Variants in SNF8 observed in about 807,000 individuals in gnomAD.
The protein encoded by SNF8 is SNF8 subunit of ESCRT-II.
Under a neutral mutation model 36.8 loss-of-function variants are expected in SNF8, and 19 were observed. The ratio of observed to expected loss-of-function variants is 0.52; its 90% CI spans 0.36 to 0.76. The LOEUF is 0.76. Among genes scored for constraint, SNF8 ranks in the 30% least tolerant of loss-of-function variants. SNF8 has a pLI of 0.00. For missense variants in SNF8, 268 were observed against 322.9 expected (o/e 0.83, Z 1.30); for synonymous variants, 127 against 127.4 (o/e 1.00, Z 0.02).
rs532405702 is a variant in SNF8 at position 48,930,807 on chromosome 17, C to T, written c.640-195G>A. The stretch of plus-strand genomic sequence containing the variant: ...CTTTGCCTGAATTTGAAAAATGCTA[C>T]GAAGTCATTTAACTTGTGCTGCTGG... On this transcript the variant is annotated intron_variant, in intron 7 of 7. Coordinates refer to ENST00000502492, the MANE Select transcript of SNF8 (RefSeq NM_007241.4). Among the ~76,000 whole-genome samples, 9 of 152,330 alleles carry T rather than the reference C, an allele frequency of 5.9e-5. No individual in the cohort carries two copies. The South Asian group carries it at 1.0e-3, about 18-fold the overall frequency.
intron 3 of SNF8, among the ~76,000 whole-genome samples, chr17:48,937,846 A>T (rs1011135319): frequency 8.5e-5 from 13 of 152,148 alleles, no homozygotes; most frequent in African/African-American, 2.9e-4. Flanking sequence ...GAATCGCTTG[A>T]ACCCGGGAGG....
intron 5 of SNF8, chr17:48,934,340 G>A (rs1254881186): frequency 6.6e-6 from 1 of 151,002 alleles, no homozygotes; most frequent in Non-Finnish European, 1.5e-5. Context: ...AGGAGATGAG[G>A]TCTTGGCTGG....
rs771940446 is a variant in SNF8, at chr17:48,944,673, C to G, written c.54+8G>C. The G allele has an allele frequency of 2.5e-6, 4 of 1,612,728 alleles. No homozygotes were observed. In the South Asian group the frequency reaches 4.4e-5, roughly 18 times the overall value. On this transcript the variant is annotated splice_region_variant and intron_variant, in intron 1 of 7. Coordinates refer to ENST00000502492, the MANE Select transcript of SNF8 (RefSeq NM_007241.4). Reference sequence around the variant, plus strand: ...GGCAGGTTGTGGGTCGGCCTTCTTCCTGCTCACCTCTGCAAGTTTCTTCTT... The same window carrying G: ...GGCAGGTTGTGGGTCGGCCTTCTTCGTGCTCACCTCTGCAAGTTTCTTCTT...
At position 48,944,768 on chromosome 17, in the gene SNF8, G is replaced by A. The variant is rs746804198; in HGVS notation, c.-34C>T. ...TGGGCCCGCGGGCCGCCCGGCTGCC[G>A]GGACCCCGGGTCTCCACGTCCCGGA... On this transcript the variant is annotated 5_prime_UTR_variant, in exon 1 of 8. Transcript: ENST00000502492. 14 of 1,582,584 alleles carry A rather than the reference G, an allele frequency of 8.8e-6. No individual in the cohort carries two copies. The highest frequency in any genetic ancestry group is 1.7e-4 in the Middle Eastern group (1 of 5,762).
chr17:48,943,562 C>G (rs2041061541), intron 2 of SNF8, among the ~76,000 whole-genome samples: 1 of 151,978 alleles, frequency 6.6e-6, no homozygotes, highest in Non-Finnish European at 1.5e-5. Flanking sequence ...GAGCCGAGAT[C>G]GTGCCACTGT....
intron 3 of SNF8, among the ~76,000 whole-genome samples, chr17:48,937,999 T>C (rs1314744860): frequency 6.6e-6 from 1 of 151,982 alleles, no homozygotes; most frequent in African/African-American, 2.4e-5. Context: ...ATTTGGCTAA[T>C]TCTGGCTCAG....
chr17:48,931,192 C>T (rs2040852565), intron 7 of SNF8, among the ~76,000 whole-genome samples: 1 of 152,124 alleles, frequency 6.6e-6, no homozygotes, highest in Non-Finnish European at 1.5e-5. Flanking sequence ...TACATTGCTC[C>T]CTCTTCACAT....
In SNF8 at chr17:48,933,241, G is replaced by T. The variant is rs776364984; in HGVS notation, c.528C>A (p.Leu176=). ...GCAGCACCACGGTGTGATCCATATT[G>T]AGCTCAGCTGGAACAGACTGAATGA... ...TYLIQSVPAE[L]NMDHTVVLQL... is the part of the protein sequence containing the mutation. Residue 176 remains leucine (L), a synonymous_variant, in exon 6 of 8, where the codon CTC becomes CTA. Coordinates refer to ENST00000502492, the MANE Select transcript of SNF8 (RefSeq NM_007241.4). 67 of 1,613,916 alleles carry T rather than the reference G, an allele frequency of 4.2e-5. No individual in the cohort carries two copies. Among genetic ancestry groups the T allele is most frequent in the Non-Finnish European group, 5.6e-5 (66 of 1,180,040 alleles).
At chr17:48,943,290 C>T (rs932002503) in intron 2 of SNF8, among the ~76,000 whole-genome samples, 6 of 151,628 alleles carry the variant, frequency 4.0e-5, no homozygotes, top group Admixed American at 2.6e-4. Context: ...GTCAATATGG[C>T]GAAACCCTGC....
intron 5 of SNF8, among the ~76,000 whole-genome samples, chr17:48,935,086 C>G (rs998412414): frequency 2.6e-5 from 4 of 152,158 alleles, no homozygotes; most frequent in South Asian, 4.1e-4. Flanking sequence ...TATATACAGC[C>G]CTGGCCAGCC....
intron 3 of SNF8, among the ~76,000 whole-genome samples, chr17:48,938,588 C>T (rs1311930835): frequency 2.7e-5 from 4 of 147,912 alleles, no homozygotes; most frequent in Non-Finnish European, 6.0e-5. Context: ...GTTGGGGCCA[C>T]GCCAGGAGCA....
chr17:48,939,627 TTTTTTGTA>T (rs1239336362), intron 3 of SNF8, among the ~76,000 whole-genome samples: 1 of 151,144 alleles, frequency 6.6e-6, no homozygotes, highest in Non-Finnish European at 1.5e-5. Context: ...ACCTGGCTAA[TTTTTTGTA>T]TTTTTAGTAG....
intron 6 of SNF8, 74 bp downstream of exon 6, chr17:48,933,131 G>T: frequency 6.5e-7 from 1 of 1,540,578 alleles, no homozygotes; most frequent in Non-Finnish European, 8.9e-7. Flanking sequence ...TGGGGAGCAC[G>T]AGCTGAGAAC....
At position 48,930,630 on chromosome 17, in the gene SNF8, G is replaced by T; in HGVS notation, c.640-18C>A. The T allele has an allele frequency of 1.9e-6, 3 of 1,611,188 alleles. No homozygotes were observed. Among genetic ancestry groups the T allele is most frequent in the Non-Finnish European group, 2.5e-6 (3 of 1,178,394 alleles). On this transcript the variant is annotated intron_variant, in intron 7 of 7. Coordinates refer to ENST00000502492, the MANE Select transcript of SNF8 (RefSeq NM_007241.4). ...AGGTGTTCCTGGAGGGAAAAGGGAA[G>T]AAGAGCAGTTTGAGAACAGGGAGGT... is the stretch of plus-strand genomic sequence containing the variant.
At chr17:48,942,337 CAA>C (rs199516410) in intron 2 of SNF8, among the ~76,000 whole-genome samples, 54 of 113,308 alleles carry the variant, frequency 4.8e-4, no homozygotes, top group Non-Finnish European at 5.0e-4. Flanking sequence ...AACTTGGTCT[CAA>C]AAAAAAAAAA....
At chr17:48,940,093 A>AAT (rs1555584140) in intron 3 of SNF8, among the ~76,000 whole-genome samples, 6 of 143,418 alleles carry the variant, frequency 4.2e-5, no homozygotes, top group Non-Finnish European at 9.1e-5. Context: ...AAAAAAAAAA[A>AAT]TTTTTTTTTT....
Position 48,944,689 on chromosome 17 carries a change from G to A in SNF8, c.46C>T (p.Leu16Phe), listed in dbSNP as rs1598096053. 2 of 1,612,460 alleles carry A rather than the reference G, an allele frequency of 1.2e-6. No individual in the cohort carries two copies. Among genetic ancestry groups the A allele is most frequent in the Non-Finnish European group, 1.7e-6 (2 of 1,179,298 alleles). ...GCCTTCTTCCTGCTCACCTCTGCAA[G>A]TTTCTTCTTGGCGATGGCGCCAGCT... Reference protein sequence around the residue: ...VGAGAIAKKKLAEAKYKERGT... With the variant: ...VGAGAIAKKKFAEAKYKERGT... The change falls in exon 1 of 8, where the codon CTT becomes TTT. Residue 16 changes from leucine (L) to phenylalanine (F), a missense_variant. Transcript: ENST00000502492.
rs200738560 is a variant in SNF8, at chr17:48,931,739, A to C, written c.565-22T>G. The C allele has an allele frequency of 3.1e-6, 5 of 1,602,786 alleles. No individual in the cohort carries two copies. The African/African-American group carries it at 6.7e-5, about 21-fold the overall frequency. On this transcript the variant is annotated intron_variant, in intron 6 of 7. Coordinates refer to ENST00000502492, the MANE Select transcript of SNF8 (RefSeq NM_007241.4). ...TCTTCTGAAGGAAGGAGGAATGGGG[A>C]TTGAATCAGTTAAGAGTGCACCTTC... is the stretch of plus-strand genomic sequence containing the variant.
chr17:48,942,001 T>C (rs1321998100), intron 2 of SNF8, among the ~76,000 whole-genome samples: 1 of 151,808 alleles, frequency 6.6e-6, no homozygotes, highest in Non-Finnish European at 1.5e-5. Flanking sequence ...AATCAATCAA[T>C]CAACCAATAT....
Sources: gnomAD v4.1 joint callset for allele counts (sites outside exome capture counted in the v4.1 genomes callset) on GRCh38, gnomAD v4.1.1 for gene constraint, MANE v1.5 for transcripts, NCBI Gene and HGNC (gene_info 2026-07-23, HGNC 2026-07-21) for gene names.